Variants in ACP3 observed in about 807,000 individuals in gnomAD.
The protein encoded by ACP3 is acid phosphatase 3.
ACP3 carries 38 observed loss-of-function variants against 45.6 expected under a neutral mutation model. The observed-to-expected ratio is 0.83, with a 90% confidence interval of 0.64 to 1.09. The LOEUF (loss-of-function observed/expected upper bound fraction) is 1.09. Among genes scored for constraint, ACP3 ranks in the 50% least tolerant of loss-of-function variants. The pLI is 0.00. For synonymous variants in ACP3, 162 were observed against 164.7 expected, an observed-to-expected ratio of 0.98 and a Z score of 0.13; for missense variants, 466 against 463.2, an observed-to-expected ratio of 1.01 and a Z score of -0.05.
intron 1 of ACP3, among the ~76,000 whole-genome samples, chr3:132,321,117 A>G (rs909401691): frequency 1.3e-5 from 2 of 152,068 alleles, no homozygotes; most frequent in Non-Finnish European, 2.9e-5. Flanking sequence ...TTGAGCTAGG[A>G]TCACACCATT....
Position 132,328,679 on chromosome 3 carries a change from C to CAAAAAAA in ACP3, c.216+334_216+340dup, listed in dbSNP as rs553521994. Among the ~76,000 whole-genome samples the CAAAAAAA allele has an allele frequency of 2.1e-4, 15 of 70,232 alleles. No individual in the cohort carries two copies. The East Asian group carries it at 5.3e-3, about 25-fold the overall frequency. 46.1% of individuals were successfully genotyped at this position (70,232 alleles called of 152,430 possible). On this transcript the variant is annotated intron_variant, in intron 2 of 9. Coordinates refer to ENST00000336375, the MANE Select transcript of ACP3 (RefSeq NM_001099.5). ...GGGCAACAAGAGTAAAACTCTATCTCAAAAAAAAAAAAAAAAAAAAAAAGA... is the reference window on the plus strand; with the variant it reads ...GGGCAACAAGAGTAAAACTCTATCTCAAAAAAAAAAAAAAAAAAAAAAAAAAAAAAGA...
At chr3:132,368,012 G>C in exon 11 of ACP3, 1 of 548,454 alleles carries the variant, frequency 1.8e-6, no homozygotes, top group Non-Finnish European at 3.3e-6. Flanking sequence ...AGGCTACCTA[G>C]GTCTTCTCAT....
chr3:132,350,042 G>C, intron 8 of ACP3, 40 bp downstream of exon 8: 1 of 1,380,220 alleles, frequency 7.2e-7, no homozygotes, highest in Non-Finnish European at 1.0e-6. Context: ...GTTTGTTCAA[G>C]TGTGTGATCT....
chr3:132,321,322 GA>G (rs34303775), intron 1 of ACP3, among the ~76,000 whole-genome samples: 16,817 of 136,818 alleles, frequency 0.12, 1,126 homozygotes, highest in Non-Finnish European at 0.16. Context: ...CTGCAAAAAA[GA>G]AAAAAAAAAA....
At chr3:132,359,936 T>G (rs1938008564), downstream of ACP3, among the ~76,000 whole-genome samples, 1 of 152,212 alleles carries the variant, frequency 6.6e-6, no homozygotes, top group African/African-American at 2.4e-5. Flanking sequence ...ACCACTGGTT[T>G]GGGCTCATAG....
intron 6 of ACP3, among the ~76,000 whole-genome samples, chr3:132,343,896 G>A (rs1937578364): frequency 6.6e-6 from 1 of 152,158 alleles, no homozygotes. Flanking sequence ...ACTTCTGGGA[G>A]GCTGAGATGG....
intron 5 of ACP3, 62 bp downstream of exon 5, chr3:132,337,616 G>C: frequency 7.0e-4 from 686 of 973,384 alleles, no homozygotes; most frequent in Non-Finnish European, 9.8e-4. Context: ...GAGTGTGAGG[G>C]CCAAGACACA....
In ACP3 at chr3:132,358,800, T is replaced by C; in HGVS notation, c.*1922T>C. 1 of 985,702 alleles carries C rather than the reference T, an allele frequency of 1.0e-6. No individual in the cohort carries two copies. 61.1% of individuals were successfully genotyped at this position (985,702 alleles called of 1,614,324 possible). On this transcript the variant is annotated 3_prime_UTR_variant, in exon 10 of 10. Coordinates refer to ENST00000336375, the MANE Select transcript of ACP3 (RefSeq NM_001099.5). ...ATGAACTTAGAAAAACGTATGTGTG[T>C]GTGTTTAATTAGAATAAAATTCCTC...
rs186367007 is a variant in ACP3, at chr3:132,353,760, G to A, written c.968+937G>A. ...GATCTGCTGTGGCCATCTTTAAATT[G>A]TAATAATGTTTAAACAATGGGCCCT... On this transcript the variant is annotated intron_variant, in intron 9 of 9. Transcript: ENST00000336375. Among the ~76,000 whole-genome samples, 114 of 152,296 alleles carry A rather than the reference G, an allele frequency of 7.5e-4. 3 individuals are homozygous for A. In the East Asian group the frequency reaches 0.018, roughly 24 times the overall value.
intron 9 of ACP3, among the ~76,000 whole-genome samples, chr3:132,354,029 A>G (rs1291818569): frequency 6.6e-6 from 1 of 152,222 alleles, no homozygotes; most frequent in Non-Finnish European, 1.5e-5. Context: ...AAATATCTAG[A>G]GTCAGCATGG....
intron 5 of ACP3, among the ~76,000 whole-genome samples, chr3:132,340,243 A>T (rs1937537609): frequency 6.6e-6 from 1 of 150,480 alleles, no homozygotes; most frequent in African/African-American, 2.4e-5. Context: ...TGAACCCAGG[A>T]GGCGGAGGTT....
chr3:132,341,179 T>C (rs1278614608), intron 5 of ACP3, among the ~76,000 whole-genome samples: 1 of 152,204 alleles, frequency 6.6e-6, no homozygotes, highest in Admixed American at 6.5e-5. Flanking sequence ...TATAATGTTA[T>C]GGGCAGTGTT....
At chr3:132,365,094 T>G (rs1357543890) in intron 10 of ACP3, among the ~76,000 whole-genome samples, 1 of 152,234 alleles carries the variant, frequency 6.6e-6, no homozygotes, top group East Asian at 1.9e-4. Flanking sequence ...ACTTATAAGT[T>G]CTAAGTCATT....
intron 10 of ACP3, among the ~76,000 whole-genome samples, chr3:132,365,991 CAA>C (rs112882480): frequency 1.1e-4 from 14 of 133,230 alleles, no homozygotes; most frequent in African/African-American, 3.0e-4. Flanking sequence ...CTCCATCTCC[CAA>C]AAAAAAAAAA....
At chr3:132,347,743 A>C (rs1163663169) in intron 7 of ACP3, among the ~76,000 whole-genome samples, 2 of 152,040 alleles carry the variant, frequency 1.3e-5, no homozygotes, top group Non-Finnish European at 2.9e-5. Context: ...TTGGCCTCCC[A>C]AAGTTCTGGG....
intron 1 of ACP3, among the ~76,000 whole-genome samples, chr3:132,323,867 G>T (rs1017131692): frequency 1.3e-5 from 2 of 152,194 alleles, no homozygotes; most frequent in Non-Finnish European, 2.9e-5. Flanking sequence ...AAAGAAACAA[G>T]ACTAGCCACA....
downstream of ACP3, among the ~76,000 whole-genome samples, chr3:132,359,176 G>T (rs1300263922): frequency 1.3e-5 from 2 of 152,150 alleles, no homozygotes; most frequent in Non-Finnish European, 2.9e-5. Flanking sequence ...AGTAAGGAAG[G>T]TCAGGAAAGG....
chr3:132,330,621 A>G (rs1239312501), intron 2 of ACP3, among the ~76,000 whole-genome samples: 1 of 152,174 alleles, frequency 6.6e-6, no homozygotes, highest in African/African-American at 2.4e-5. Flanking sequence ...ACGGTATATT[A>G]TTCCTTTCCC....
chr3:132,325,619 C>CA (rs1308503169), intron 1 of ACP3, among the ~76,000 whole-genome samples: 3 of 151,500 alleles, frequency 2.0e-5, no homozygotes, highest in Non-Finnish European at 4.4e-5. Flanking sequence ...CACACACACA[C>CA]CCCTTCCAAT....
Sources: gnomAD v4.1 joint callset for allele counts (sites outside exome capture counted in the v4.1 genomes callset) on GRCh38, gnomAD v4.1.1 for gene constraint, MANE v1.5 for transcripts, NCBI Gene and HGNC (gene_info 2026-07-23, HGNC 2026-07-21) for gene names.